G2E3: variants seen among roughly 807,000 people sequenced by gnomAD.
G2E3 encodes the protein G2/M-phase specific E3 ubiquitin protein ligase, also known as G2/M phase-specific E3 ubiquitin-protein ligase.
Under a neutral mutation model 92.8 loss-of-function variants are expected in G2E3, and 35 were observed. That is an observed-to-expected ratio of 0.38 (90% CI 0.29 to 0.50). G2E3 has a LOEUF of 0.50. G2E3 is among the 20% of genes least tolerant of loss of function. G2E3 has a pLI of 0.94. For synonymous variants in G2E3, 242 were observed against 272.4 expected (o/e 0.89, Z 1.10); for missense variants, 554 against 823.8 (o/e 0.67, Z 4.01).
At chr14:30,561,098 A>G (rs117309559) in intron 1 of G2E3, among the ~76,000 whole-genome samples, 3,550 of 152,328 alleles carry the variant, frequency 0.023, 55 homozygotes, top group Non-Finnish European at 0.034. Flanking sequence ...AGACCTTAAA[A>G]TAGTGTGTGC....
At chr14:30,616,178 A>G (rs188894733) in intron 14 of G2E3, 100 bp from the exon 15 acceptor site, 4 of 782,194 alleles carry the variant, frequency 5.1e-6, no homozygotes, top group Non-Finnish European at 6.4e-6. Context: ...TGTGCCTTTC[A>G]GTATTCCAAG....
intron 13 of G2E3, among the ~76,000 whole-genome samples, chr14:30,613,293 C>T (rs1028740380): frequency 2.0e-5 from 3 of 152,118 alleles, no homozygotes; most frequent in African/African-American, 7.2e-5. Flanking sequence ...TACCAGATAT[C>T]ATCTCAAACC....
At position 30,618,110 on chromosome 14, in the gene G2E3, A is replaced by G. The variant is rs952118118; in HGVS notation, c.*1576A>G. 4.6e-5 allele frequency: 7 copies of G among 152,112 alleles called. No homozygotes were observed. Among genetic ancestry groups the G allele is most frequent in the East Asian group, 1.9e-4 (1 of 5,202 alleles). The allele number at this position is 152,112 out of a possible 1,614,324, so 9.4% of individuals were successfully genotyped here. On this transcript the variant is annotated 3_prime_UTR_variant, in exon 15 of 15. Coordinates refer to ENST00000206595, the MANE Select transcript of G2E3 (RefSeq NM_017769.5). The stretch of plus-strand genomic sequence containing the variant: ...CTTAATACCAAAGGAAAACTAAAAC[A>G]TAATTCTAGTGTACTTTTCTTTGTT...
intron 1 of G2E3, among the ~76,000 whole-genome samples, chr14:30,566,037 G>C (rs572800649): frequency 6.6e-6 from 1 of 152,234 alleles, no homozygotes; most frequent in East Asian, 1.9e-4. Flanking sequence ...CCCATTTAAT[G>C]GTCTTGGCAC....
At chr14:30,567,779 C>T (rs537568395) in intron 1 of G2E3, among the ~76,000 whole-genome samples, 2 of 151,646 alleles carry the variant, frequency 1.3e-5, no homozygotes, top group Non-Finnish European at 2.9e-5. Flanking sequence ...TTCTAATTTC[C>T]CTTGTGATTT....
chr14:30,580,861 C>T, intron 1 of G2E3: 1 of 468,744 alleles, frequency 2.1e-6, no homozygotes, highest in East Asian at 4.2e-5. Flanking sequence ...ATTGTTTTGA[C>T]AGCTAAAAAA....
intron 11 of G2E3, among the ~76,000 whole-genome samples, chr14:30,606,239 T>TA (rs1256697477): frequency 1.5e-5 from 2 of 134,226 alleles, no homozygotes; most frequent in African/African-American, 7.1e-5. Flanking sequence ...GTTTGCAATA[T>TA]TTTTTTTTTT....
intron 1 of G2E3, among the ~76,000 whole-genome samples, chr14:30,577,223 CA>C (rs59757142): frequency 0.03 from 2,392 of 80,722 alleles, 19 homozygotes; most frequent in Non-Finnish European, 0.044. Flanking sequence ...GACTCTGTCT[CA>C]AAAAAAAAAA....
At chr14:30,600,993 G>T (rs1302572442) in intron 8 of G2E3, among the ~76,000 whole-genome samples, 1 of 152,162 alleles carries the variant, frequency 6.6e-6, no homozygotes, top group African/African-American at 2.4e-5. Flanking sequence ...CCTCCGCACT[G>T]TTGTCACTGG....
At chr14:30,603,066 G>A (rs527896467) in intron 10 of G2E3, among the ~76,000 whole-genome samples, 3 of 152,190 alleles carry the variant, frequency 2.0e-5, no homozygotes, top group African/African-American at 7.2e-5. Flanking sequence ...CGTGGCTCAC[G>A]CCTGTAATCC....
chr14:30,595,382 A>G (rs556308330), intron 6 of G2E3, among the ~76,000 whole-genome samples: 2 of 152,304 alleles, frequency 1.3e-5, no homozygotes, highest in South Asian at 2.1e-4. Flanking sequence ...TTGTAGCAGT[A>G]TGTTATTTTT....
intron 1 of G2E3, among the ~76,000 whole-genome samples, chr14:30,563,525 C>G (rs1308163411): frequency 6.6e-6 from 1 of 151,434 alleles, no homozygotes; most frequent in Admixed American, 6.6e-5. Context: ...GGAAGCCAAG[C>G]TGGAAAGGTC....
At chr14:30,598,012 A>G (rs561846738) in intron 7 of G2E3, 61 of 157,088 alleles carry the variant, frequency 3.9e-4, no homozygotes, top group Non-Finnish European at 6.9e-4. Context: ...GTATGATAAA[A>G]TAACACTAAT....
chr14:30,591,289 A>T lies in G2E3; in HGVS notation c.238-1034A>T, dbSNP rs139538534. Among the ~76,000 whole-genome samples, 14 of 152,144 alleles carry T rather than the reference A, an allele frequency of 9.2e-5. No homozygotes were observed. In the East Asian group the frequency reaches 2.7e-3, roughly 29 times the overall value. On this transcript the variant is annotated intron_variant, in intron 4 of 14. Transcript: ENST00000206595. The stretch of plus-strand genomic sequence containing the variant: ...TAATCCCTGAATCAGTGACCATTTT[A>T]ATTGCCGTCTTAAGGGTTCCAAGGT...
chr14:30,611,749 TG>T (rs1442455506), intron 12 of G2E3: 1 of 152,470 alleles, frequency 6.6e-6, no homozygotes, highest in Non-Finnish European at 1.5e-5. Context: ...CTCCAACTCC[TG>T]GGCTCAAAAT....
chr14:30,595,152 G>A (rs1398233304), intron 6 of G2E3, among the ~76,000 whole-genome samples: 2 of 151,894 alleles, frequency 1.3e-5, no homozygotes, highest in African/African-American at 4.8e-5. Flanking sequence ...AAAAATGCAG[G>A]ATGAAGCCTG....
intron 12 of G2E3, 146 bp from the exon 13 acceptor site, chr14:30,612,057 CATTT>C (rs1882117102): frequency 3.4e-6 from 2 of 586,372 alleles, no homozygotes; most frequent in African/African-American, 3.8e-5. Context: ...GATGATCAGA[CATTT>C]ATTCTAGAAG....
intron 6 of G2E3, among the ~76,000 whole-genome samples, chr14:30,595,087 G>A (rs1412686016): frequency 6.6e-6 from 1 of 152,020 alleles, no homozygotes; most frequent in East Asian, 1.9e-4. Flanking sequence ...GCGGTATGCT[G>A]AGATAGCACC....
chr14:30,607,070 T>C (rs1407920990), intron 11 of G2E3, among the ~76,000 whole-genome samples: 1 of 152,078 alleles, frequency 6.6e-6, no homozygotes, highest in Admixed American at 6.5e-5. Context: ...GTTAGAAATA[T>C]CACTTAGCCA....
Sources: gnomAD v4.1 joint callset for allele counts (sites outside exome capture counted in the v4.1 genomes callset) on GRCh38, gnomAD v4.1.1 for gene constraint, MANE v1.5 for transcripts, NCBI Gene and HGNC (gene_info 2026-07-23, HGNC 2026-07-21) for gene names.